SLC38A2: variants seen among roughly 807,000 people sequenced by gnomAD.
SLC38A2 encodes the protein sodium-coupled neutral amino acid symporter 2.
SLC38A2 carries 11 observed loss-of-function variants against 61.5 expected under a neutral mutation model. The ratio of observed to expected loss-of-function variants is 0.18; its 90% CI spans 0.11 to 0.30. The LOEUF (loss-of-function observed/expected upper bound fraction) is 0.30. SLC38A2 is among the 10% of genes least tolerant of loss of function. SLC38A2 has a pLI of 1.00. For missense variants in SLC38A2, 522 were observed against 600.4 expected (o/e 0.87, Z 1.36); for synonymous variants, 217 against 212.5 (o/e 1.02, Z -0.18).
intron 8 of SLC38A2, chr12:46,364,906 T>C: frequency 1.5e-6 from 1 of 672,372 alleles, no homozygotes; most frequent in Non-Finnish European, 2.5e-6. Flanking sequence ...ATAAAAACTA[T>C]CATTTGCATT....
intron 3 of SLC38A2, 32 bp downstream of exon 3, chr12:46,370,744 C>T: frequency 6.4e-7 from 1 of 1,567,474 alleles, no homozygotes; most frequent in Non-Finnish European, 8.8e-7. Flanking sequence ...TCCATAAAGC[C>T]ACTGACAGAC....
rs1198831762 is a variant in SLC38A2, at chr12:46,360,295, C to CA, written c.*815dup. ...CTTCCATTCTAATAAGTTGAAGACACAAACATTTCAGTCTGAATGAACCAA... is the reference window on the plus strand; with the variant it reads ...CTTCCATTCTAATAAGTTGAAGACACAAAACATTTCAGTCTGAATGAACCAA... On this transcript the variant is annotated 3_prime_UTR_variant, in exon 16 of 16. Coordinates refer to ENST00000256689, the MANE Select transcript of SLC38A2 (RefSeq NM_018976.5). 6.6e-6 allele frequency: 1 copy of CA among 152,506 alleles called. No individual in the cohort carries two copies. The highest frequency in any genetic ancestry group is 1.5e-5 in the Non-Finnish European group (1 of 68,022). 9.4% of individuals were successfully genotyped at this position (152,506 alleles called of 1,614,324 possible).
chr12:46,370,842 T>C lies in SLC38A2; in HGVS notation c.132A>G (p.Val44=). 6.2e-7 allele frequency: 1 copy of C among 1,610,444 alleles called. No homozygotes were observed. The highest frequency in any genetic ancestry group is 8.5e-7 in the Non-Finnish European group (1 of 1,178,536). ...GTAAAAAGTTCTGGTTTTCAGGATCTACATCTGCATAATGGCTGCAAAAAA... is the reference window on the plus strand; with the variant it reads ...GTAAAAAGTTCTGGTTTTCAGGATCCACATCTGCATAATGGCTGCAAAAAA... ...QAALKSHYAD[V]DPENQNFLLE... The change falls in exon 3 of 16, where the codon GTA becomes GTG. Residue 44 remains valine (V), a synonymous_variant. Transcript: ENST00000256689.
At chr12:46,367,377 A>C (rs752406943) in intron 4 of SLC38A2, 37 bp from the exon 5 acceptor site, 1 of 1,073,452 alleles carries the variant, frequency 9.3e-7, no homozygotes, top group South Asian at 1.3e-5. Flanking sequence ...GTTATAAATA[A>C]GCATGGCTAT....
chr12:46,363,824 C>A lies in SLC38A2; in HGVS notation c.956G>T (p.Arg319Leu). 6.3e-7 allele frequency: 1 copy of A among 1,589,232 alleles called. No individual in the cohort carries two copies. Among genetic ancestry groups the A allele is most frequent in the African/African-American group, 1.4e-5 (1 of 73,318 alleles). ...VLPIYEELKDRSRRRMMNVSK... is the reference protein window; with the variant it reads ...VLPIYEELKDLSRRRMMNVSK... ...CACATTCATCATTCTTCTACGGCTG[C>A]GGCTATGTAATTCAAGAGAAAATTC... The change falls in exon 12 of 16, where the codon CGC (arginine) becomes CTC (leucine). Residue 319 changes from arginine to leucine, a missense_variant and splice_region_variant. This residue lies in a region of SLC38A2 where 309 missense variants were observed against 343.9 expected (regional missense o/e 0.90). Coordinates refer to ENST00000256689, the MANE Select transcript of SLC38A2 (RefSeq NM_018976.5).
In SLC38A2 at chr12:46,372,501, C is replaced by T. The variant is rs972226315; in HGVS notation, c.-87+8G>A. ...CCCTTCCCACAGACGCCCCCCCGCA[C>T]GCGTTACCTCGGTGGTCTCTATTCT... On this transcript the variant is annotated splice_region_variant and intron_variant, in intron 1 of 15. Transcript: ENST00000256689. The T allele has an allele frequency of 1.3e-5, 5 of 388,838 alleles. No homozygotes were observed. Among genetic ancestry groups the T allele is most frequent in the Non-Finnish European group, 2.3e-5 (5 of 220,300 alleles). 24.1% of individuals were successfully genotyped at this position (388,838 alleles called of 1,614,324 possible). A position where few individuals can be genotyped will look rare whatever the true frequency, so the allele number is the denominator to read the frequency against.
In SLC38A2 at chr12:46,372,575, A is replaced by G; in HGVS notation, c.-153T>C. On this transcript the variant is annotated 5_prime_UTR_variant, in exon 1 of 16. Transcript: ENST00000256689. The stretch of plus-strand genomic sequence containing the variant: ...TCTCTCAGTCAAATACAAATCATAA[A>G]AAACAAACAAAAAATTTCCCCAAAT... 1 of 397,876 alleles carries G rather than the reference A, an allele frequency of 2.5e-6. No individual in the cohort carries two copies. Among genetic ancestry groups the G allele is most frequent in the East Asian group, 3.6e-5 (1 of 28,062 alleles). 24.6% of individuals were successfully genotyped at this position (397,876 alleles called of 1,614,324 possible).
chr12:46,370,723 T>G, intron 3 of SLC38A2, 53 bp downstream of exon 3: 1 of 1,529,108 alleles, frequency 6.5e-7, no homozygotes, highest in Non-Finnish European at 9.0e-7. Flanking sequence ...AAAGTAAAAC[T>G]ATTCTTTTAC....
intron 4 of SLC38A2, among the ~76,000 whole-genome samples, chr12:46,368,630 C>T (rs1466697057): frequency 3.9e-5 from 6 of 152,152 alleles, no homozygotes; most frequent in Non-Finnish European, 1.5e-5. Context: ...GCACGCAGTA[C>T]CATGTAAGGT....
In SLC38A2 at chr12:46,371,154, CAA is replaced by C. The variant is rs778527952; in HGVS notation, c.116+22_116+23del. 20 of 1,609,028 alleles carry C rather than the reference CAA, an allele frequency of 1.2e-5. No individual in the cohort carries two copies. The Admixed American group carries it at 1.3e-4, about 11-fold the overall frequency. The stretch of plus-strand genomic sequence containing the variant: ...ACCCAACCCATGCAAGCCGTTTTTT[CAA>C]AAGTGTCACAACTTCTCCCACCTTT... On this transcript the variant is annotated intron_variant, in intron 2 of 15. Transcript: ENST00000256689.
rs765969770 is a variant in SLC38A2, at chr12:46,362,241, TATG to T, written c.1422+40_1422+42del. 1.7e-5 allele frequency: 24 copies of T among 1,436,776 alleles called. No individual in the cohort carries two copies. The South Asian group carries it at 2.2e-4, about 13-fold the overall frequency. 89.0% of individuals were successfully genotyped at this position (1,436,776 alleles called of 1,614,324 possible). On this transcript the variant is annotated intron_variant, in intron 15 of 15. Coordinates refer to ENST00000256689, the MANE Select transcript of SLC38A2 (RefSeq NM_018976.5). ...AAAATTAAAATCAGTTGGGGAAATTTATGATATTATTACTGTTTCTATGGTTAT... is the reference window on the plus strand; with the variant it reads ...AAAATTAAAATCAGTTGGGGAAATTTATATTATTACTGTTTCTATGGTTAT...
In SLC38A2 at chr12:46,359,611, T is replaced by A. The variant is rs1943059725; in HGVS notation, c.*1500A>T. ...AATTATGTATATTAGATTTTAGACATTATGCCTGATGAGCGAAGTACCACA... is the reference window on the plus strand; with the variant it reads ...AATTATGTATATTAGATTTTAGACAATATGCCTGATGAGCGAAGTACCACA... On this transcript the variant is annotated 3_prime_UTR_variant, in exon 16 of 16. Coordinates refer to ENST00000256689, the MANE Select transcript of SLC38A2 (RefSeq NM_018976.5). 1 of 152,584 alleles carries A rather than the reference T, an allele frequency of 6.6e-6. No homozygotes were observed. Among genetic ancestry groups the A allele is most frequent in the African/African-American group, 2.4e-5 (1 of 41,450 alleles). 9.5% of individuals were successfully genotyped at this position (152,584 alleles called of 1,614,324 possible).
At position 46,358,367 on chromosome 12, in the gene SLC38A2, T is replaced by C. The variant is rs1019514018; in HGVS notation, c.*2744A>G. On this transcript the variant is annotated 3_prime_UTR_variant, in exon 16 of 16. Coordinates refer to ENST00000256689, the MANE Select transcript of SLC38A2 (RefSeq NM_018976.5). ...CACCCAGGTTCTCAAAGGTCTTCCA[T>C]TACACTAGATCACATTTTATTTCAT... The C allele has an allele frequency of 2.2e-4, 33 of 152,042 alleles. No individual in the cohort carries two copies. Among genetic ancestry groups the C allele is most frequent in the African/African-American group, 8.0e-4 (33 of 41,372 alleles). The allele number at this position is 152,042 out of a possible 1,614,324, so 9.4% of individuals were successfully genotyped here. A position where few individuals can be genotyped will look rare whatever the true frequency, so the allele number is the denominator to read the frequency against.
chr12:46,361,252 A>T, intron 15 of SLC38A2, 43 bp from the exon 16 acceptor site: 1 of 1,459,442 alleles, frequency 6.9e-7, no homozygotes, highest in South Asian at 1.2e-5. Context: ...GTAATAAAAC[A>T]TATATGCTAA....
rs1401175781 is a variant in SLC38A2, at chr12:46,371,358, G to C, written c.-65C>G. On this transcript the variant is annotated 5_prime_UTR_variant, in exon 2 of 16. Transcript: ENST00000256689. ...GGGCTCCTTTTGTCCTTGGCGGTGGGTGCAGCGGCCCGCGAGTCGGCCTGC... is the reference window on the plus strand; with the variant it reads ...GGGCTCCTTTTGTCCTTGGCGGTGGCTGCAGCGGCCCGCGAGTCGGCCTGC... The C allele has an allele frequency of 9.0e-6, 12 of 1,332,204 alleles. No homozygotes were observed. The highest frequency in any genetic ancestry group is 1.3e-5 in the Non-Finnish European group (12 of 935,556). 82.5% of individuals were successfully genotyped at this position (1,332,204 alleles called of 1,614,324 possible). A position where few individuals can be genotyped will look rare whatever the true frequency, so the allele number is the denominator to read the frequency against.
At chr12:46,364,858 A>G (rs1943123333) in intron 8 of SLC38A2, 156 bp from the exon 9 acceptor site, 5 of 698,412 alleles carry the variant, frequency 7.2e-6, no homozygotes, top group Non-Finnish European at 1.2e-5. Flanking sequence ...ATACTAAATT[A>G]TAGATTTATT....
At chr12:46,363,313 T>C (rs935175817) in intron 12 of SLC38A2, among the ~76,000 whole-genome samples, 168 bp from the exon 13 acceptor site, 3 of 152,050 alleles carry the variant, frequency 2.0e-5, no homozygotes, top group African/African-American at 2.4e-5. Context: ...TAAAGTAACA[T>C]TGAAGGAAAA....
chr12:46,370,696 G>C, intron 3 of SLC38A2, 69 bp from the exon 4 acceptor site: 1 of 1,544,642 alleles, frequency 6.5e-7, no homozygotes, highest in Non-Finnish European at 8.9e-7. Context: ...CTTTGGGCAA[G>C]TTAGATTTGA....
At chr12:46,364,587 C>T (rs1336983857) in intron 9 of SLC38A2, 31 bp from the exon 10 acceptor site, 6 of 1,599,946 alleles carry the variant, frequency 3.8e-6, no homozygotes, top group Non-Finnish European at 3.4e-6. Flanking sequence ...ATGTGTTAAA[C>T]TAAGTGACAT....
Sources: gnomAD v4.1 joint callset for allele counts (sites outside exome capture counted in the v4.1 genomes callset) on GRCh38, gnomAD v4.1.1 for gene constraint, gnomAD v4.1.1 regional missense constraint, MANE v1.5 for transcripts, NCBI Gene and HGNC (gene_info 2026-07-23, HGNC 2026-07-21) for gene names.